EFCAB12: variants seen among roughly 807,000 people sequenced by gnomAD.
EFCAB12 encodes EF-hand calcium-binding domain-containing protein 12.
EFCAB12 carries 43 observed loss-of-function variants against 53.6 expected under a neutral mutation model. The ratio of observed to expected loss-of-function variants is 0.80; its 90% CI spans 0.63 to 1.03. The LOEUF (loss-of-function observed/expected upper bound fraction) is 1.03, where lower values mean the gene tolerates loss of function less well. Ranked by LOEUF, EFCAB12 falls within the 50% of genes least tolerant of loss-of-function variation. The pLI is 0.00. For missense variants in EFCAB12, 646 were observed against 730.6 expected (o/e 0.88, Z 1.34); for synonymous variants, 269 against 289.2 (o/e 0.93, Z 0.71).
At chr3:129,418,133 G>T in intron 3 of EFCAB12, 121 bp downstream of exon 3, 1 of 912,114 alleles carries the variant, frequency 1.1e-6, no homozygotes. Flanking sequence ...TGCACTCCTT[G>T]TGTCTACTTC....
Position 129,404,234 on chromosome 3 carries a change from G to C in EFCAB12, c.1403+16C>G, listed in dbSNP as rs374768631. The C allele has an allele frequency of 6.2e-6, 10 of 1,609,106 alleles. No homozygotes were observed. Among genetic ancestry groups the C allele is most frequent in the Middle Eastern group, 1.7e-4 (1 of 6,030 alleles). Reference sequence around the variant, plus strand: ...CAGGAGGCCAAGGCAGGGAGAAAGGGGGTCCGAAACTCAGCTTGTCAGTCC... The same window carrying C: ...CAGGAGGCCAAGGCAGGGAGAAAGGCGGTCCGAAACTCAGCTTGTCAGTCC... On this transcript the variant is annotated intron_variant, in intron 7 of 8. Coordinates refer to ENST00000505956, the MANE Select transcript of EFCAB12 (RefSeq NM_207307.3).
chr3:129,413,727 T>C (rs1478673079), intron 4 of EFCAB12: 3 of 151,546 alleles, frequency 2.0e-5, no homozygotes, highest in Admixed American at 6.6e-5. Context: ...TAAACCTGTC[T>C]TTGACTATTG....
chr3:129,401,757 G>T lies in EFCAB12; in HGVS notation c.1555C>A (p.Pro519Thr), dbSNP rs1370672361. Residue 519 changes from proline (P) to threonine (T), a missense_variant, in exon 9 of 9, where the codon CCC becomes ACC. Coordinates refer to ENST00000505956, the MANE Select transcript of EFCAB12 (RefSeq NM_207307.3). ...HLLDKLQLYLPTVATDRSLAL... is the reference protein window; with the variant it reads ...HLLDKLQLYLTTVATDRSLAL... ...AGGCTCCGGTCTGTGGCCACAGTGGGCAGGTAGAGCTGCAGCTTATCCAGA... is the reference window on the plus strand; with the variant it reads ...AGGCTCCGGTCTGTGGCCACAGTGGTCAGGTAGAGCTGCAGCTTATCCAGA... 6.2e-7 allele frequency: 1 copy of T among 1,608,314 alleles called. No individual in the cohort carries two copies. Among genetic ancestry groups the T allele is most frequent in the Non-Finnish European group, 8.5e-7 (1 of 1,177,308 alleles).
intron 4 of EFCAB12, chr3:129,414,361 A>G (rs940825583): frequency 2.6e-5 from 4 of 152,170 alleles, no homozygotes; most frequent in African/African-American, 9.7e-5. Flanking sequence ...GATCTTTACC[A>G]TTGTTAGGAA....
chr3:129,411,484 G>A, intron 4 of EFCAB12, 130 bp from the exon 5 acceptor site: 3 of 936,746 alleles, frequency 3.2e-6, no homozygotes, highest in Non-Finnish European at 4.7e-6. Context: ...CCACACGTCT[G>A]GGCAGTGCCC....
At chr3:129,405,858 T>G (rs1024201596) in intron 6 of EFCAB12, among the ~76,000 whole-genome samples, 6 of 152,156 alleles carry the variant, frequency 3.9e-5, no homozygotes, top group African/African-American at 1.4e-4. Context: ...TGCTCCTGTG[T>G]GCCCATGAAC....
chr3:129,411,241 T>A lies in EFCAB12; in HGVS notation c.952A>T (p.Thr318Ser). ...GTCATGGGCCGCGTCTCCATCTGCGTGTCGACTGCAGGCACCGTCAGTAGG... is the reference window on the plus strand; with the variant it reads ...GTCATGGGCCGCGTCTCCATCTGCGAGTCGACTGCAGGCACCGTCAGTAGG... ...VDLLTVPAVD[T>S]QMETRPMTLE... Residue 318 changes from threonine (T) to serine (S), a missense_variant, in exon 5 of 9, where the codon ACG becomes TCG. Coordinates refer to ENST00000505956, the MANE Select transcript of EFCAB12 (RefSeq NM_207307.3). 6.2e-7 allele frequency: 1 copy of A among 1,613,894 alleles called. No homozygotes were observed. The highest frequency in any genetic ancestry group is 8.5e-7 in the Non-Finnish European group (1 of 1,179,826).
chr3:129,427,793 T>G (rs1157117419), intron 1 of EFCAB12, among the ~76,000 whole-genome samples: 1 of 152,234 alleles, frequency 6.6e-6, no homozygotes, highest in African/African-American at 2.4e-5. Flanking sequence ...CTCCATCTCC[T>G]GGCTTGCAGT....
Position 129,408,687 on chromosome 3 carries a change from T to G in EFCAB12, c.1207A>C (p.Lys403Gln), listed in dbSNP as rs537958926. Residue 403 changes from lysine to glutamine, a missense_variant, in exon 6 of 9, where the codon AAG (lysine) becomes CAG (glutamine). Transcript: ENST00000505956. ...TCTGTCAGCGGGAGGCCATAGGACT[T>G]ACAGAGCTTCCAGCATTGCAGGTAG... ...LVYLQCWKLCKSYGLPLTEDI... is the reference protein window; with the variant it reads ...LVYLQCWKLCQSYGLPLTEDI... 2 of 1,587,814 alleles carry G rather than the reference T, an allele frequency of 1.3e-6. No homozygotes were observed. Among genetic ancestry groups the G allele is most frequent in the Admixed American group, 1.8e-5 (1 of 56,954 alleles).
At chr3:129,402,654 G>A (rs1172411512) in intron 7 of EFCAB12, 75 bp from the exon 8 acceptor site, 1 of 1,423,972 alleles carries the variant, frequency 7.0e-7, no homozygotes, top group African/African-American at 1.4e-5. Flanking sequence ...AGTAGGTCAG[G>A]GCCGCAGGGG....
intron 1 of EFCAB12, 70 bp from the exon 2 acceptor site, chr3:129,421,873 C>A: frequency 6.9e-7 from 1 of 1,455,860 alleles, no homozygotes. Flanking sequence ...GAAGGAAAAA[C>A]ACTTTTGCTC....
chr3:129,411,164 CT>C lies in EFCAB12; in HGVS notation c.1028del (p.Gln343ArgfsTer38). On this transcript the variant is annotated frameshift_variant, in exon 5 of 9. Coordinates refer to ENST00000505956, the MANE Select transcript of EFCAB12 (RefSeq NM_207307.3). LOFTEE classifies it high-confidence loss of function. ...VGKRYRERQR[Q>X]HKLTIPSIQY... ...CCTTGGGCTGGCGAGGTACCTTGTG[CT>C]GTCGCTGCCGCTCGCGGTACCGCTT... 1 of 1,578,874 alleles carries C rather than the reference CT, an allele frequency of 6.3e-7. No homozygotes were observed. Among genetic ancestry groups the C allele is most frequent in the East Asian group, 2.3e-5 (1 of 43,016 alleles).
At chr3:129,415,668 GATGTCACCATCTTT>G (rs1205459510) in intron 3 of EFCAB12, among the ~76,000 whole-genome samples, 1 of 152,130 alleles carries the variant, frequency 6.6e-6, no homozygotes, top group African/African-American at 2.4e-5. Flanking sequence ...GTCCAGTCCA[GATGTCACCATCTTT>G]ATAGAGTGGG....
chr3:129,425,377 C>T (rs7340618), intron 1 of EFCAB12, among the ~76,000 whole-genome samples: 2,094 of 152,268 alleles, frequency 0.014, 42 homozygotes, highest in African/African-American at 0.045. Flanking sequence ...CCCTGCTCCC[C>T]ACTCTTCCCT....
At position 129,428,520 on chromosome 3, in the gene EFCAB12, C is replaced by A. The variant is rs2072298273; in HGVS notation, c.-32G>T. On this transcript the variant is annotated 5_prime_UTR_variant, in exon 1 of 9. Transcript: ENST00000505956. ...GGTGCTGGGAGGGGGTGCTGAAGGG[C>A]GTGTGTGAATGTGTGTCGATGTGGG... The A allele has an allele frequency of 1.4e-5, 22 of 1,606,820 alleles. No individual in the cohort carries two copies. Among genetic ancestry groups the A allele is most frequent in the Non-Finnish European group, 1.9e-5 (22 of 1,176,536 alleles).
At chr3:129,402,723 G>C in intron 7 of EFCAB12, 144 bp from the exon 8 acceptor site, 1 of 763,318 alleles carries the variant, frequency 1.3e-6, no homozygotes, top group East Asian at 2.8e-5. Flanking sequence ...TCCACCTGGG[G>C]TGGACCCTGA....
At chr3:129,426,349 G>GTTTTTT (rs1229958503) in intron 1 of EFCAB12, among the ~76,000 whole-genome samples, 16 of 106,928 alleles carry the variant, frequency 1.5e-4, no homozygotes, top group African/African-American at 4.5e-4. Flanking sequence ...GGCTTACAGG[G>GTTTTTT]TTTTTTTTTG....
chr3:129,401,587 C>T lies in EFCAB12; in HGVS notation c.*6G>A. ...GAAGGCTGGGTCCGGCAACACCTGG[C>T]TAGCTCTAGTTGATGTAGTACACCT... On this transcript the variant is annotated 3_prime_UTR_variant, in exon 9 of 9. Transcript: ENST00000505956. 2 of 1,524,426 alleles carry T rather than the reference C, an allele frequency of 1.3e-6. No individual in the cohort carries two copies. The allele number at this position is 1,524,426 out of a possible 1,614,324, so 94.4% of individuals were successfully genotyped here.
intron 2 of EFCAB12, 131 bp downstream of exon 2, chr3:129,421,236 C>T: frequency 9.8e-7 from 1 of 1,024,208 alleles, no homozygotes; most frequent in Non-Finnish European, 1.4e-6. Flanking sequence ...AATACACCTC[C>T]CTCTCAAGAC....
Sources: allele counts gnomAD v4.1 joint callset (sites outside exome capture counted in the v4.1 genomes callset), GRCh38; gene constraint gnomAD v4.1.1; transcripts MANE v1.5; gene names NCBI Gene and HGNC (gene_info 2026-07-23, HGNC 2026-07-21).